ADPRH: variants seen among roughly 807,000 people sequenced by gnomAD.
ADPRH encodes ADP-ribosylarginine hydrolase.
ADPRH carries 27 observed loss-of-function variants against 28.8 expected under a neutral mutation model. The observed-to-expected ratio is 0.94, with a 90% CI of 0.69 to 1.29. The LOEUF is 1.29. Among genes scored for constraint, ADPRH ranks in the 50% most tolerant of loss-of-function variants. The probability of loss-of-function intolerance (pLI) is 0.00; values close to 1 mark genes in which losing one functional copy is unlikely to be tolerated. For synonymous variants in ADPRH, 161 were observed against 166.9 expected (o/e 0.96, Z 0.27); for missense variants, 419 against 444.8 (o/e 0.94, Z 0.52).
chr3:119,580,817 C>T (rs1194747744), intron 2 of ADPRH, among the ~76,000 whole-genome samples, 181 bp downstream of exon 2: 1 of 152,086 alleles, frequency 6.6e-6, no homozygotes, highest in Non-Finnish European at 1.5e-5. Flanking sequence ...TTAGGAAATG[C>T]ACCAACAGGG....
chr3:119,581,573 C>T (rs2082405214), intron 2 of ADPRH, among the ~76,000 whole-genome samples: 2 of 152,112 alleles, frequency 1.3e-5, no homozygotes, highest in African/African-American at 4.8e-5. Context: ...TTCCACTCCT[C>T]TTGTTTTGTG....
Position 119,586,554 on chromosome 3 carries a change from C to T in ADPRH, c.568C>T (p.Gln190Ter), listed in dbSNP as rs1187147442. 1.2e-6 allele frequency: 2 copies of T among 1,614,080 alleles called. No individual in the cohort carries two copies. The highest frequency in any genetic ancestry group is 1.7e-6 in the Non-Finnish European group (2 of 1,180,038). The change falls in exon 4 of 5, where the codon CAG (glutamine) becomes TAG (stop). Residue 190 changes from glutamine (Q) to a stop codon, truncating the protein, a stop_gained. Transcript: ENST00000357003. LOFTEE classifies it high-confidence loss of function. ...TGCTGTGAATAGCAGACCACCCTTGCAGTGGGGAAAAGGACTGATGGAGCT... is the reference window on the plus strand; with the variant it reads ...TGCTGTGAATAGCAGACCACCCTTGTAGTGGGGAAAAGGACTGATGGAGCT... The part of the protein sequence containing the change: ...AYAVNSRPPL[Q>*]WGKGLMELLP...
chr3:119,581,491 A>G (rs1274881883), intron 2 of ADPRH, among the ~76,000 whole-genome samples: 3 of 152,200 alleles, frequency 2.0e-5, no homozygotes, highest in Non-Finnish European at 4.4e-5. Context: ...AGGTAAGAAG[A>G]TCTGGACTGA....
rs765158596 is a variant in ADPRH, at chr3:119,588,022, C to T, written c.*144C>T. The T allele has an allele frequency of 6.3e-6, 5 of 789,240 alleles. No homozygotes were observed. Among genetic ancestry groups the T allele is most frequent in the African/African-American group, 1.8e-5 (1 of 56,974 alleles). 48.9% of individuals were successfully genotyped at this position (789,240 alleles called of 1,614,324 possible). On this transcript the variant is annotated 3_prime_UTR_variant, in exon 5 of 5. Coordinates refer to ENST00000357003, the MANE Select transcript of ADPRH (RefSeq NM_001125.4). ...ACAAGTCCCTTGGGCACCTTAAGCT[C>T]AGTTTTTTCAGGCTCATCCTGTTCT...
chr3:119,586,187 C>T, intron 3 of ADPRH, 98 bp from the exon 4 acceptor site: 4 of 1,549,660 alleles, frequency 2.6e-6, no homozygotes, highest in Non-Finnish European at 3.5e-6. Flanking sequence ...TCTCCCTTTC[C>T]ATCAAAAATA....
intron 2 of ADPRH, among the ~76,000 whole-genome samples, chr3:119,581,500 G>A (rs2082404705): frequency 6.6e-6 from 1 of 152,238 alleles, no homozygotes; most frequent in Non-Finnish European, 1.5e-5. Context: ...GATCTGGACT[G>A]AGGCTGAGTG....
Position 119,586,322 on chromosome 3 carries a change from G to C in ADPRH, c.336G>C (p.Pro112=). The C allele has an allele frequency of 6.2e-7, 1 of 1,613,732 alleles. No individual in the cohort carries two copies. Among genetic ancestry groups the C allele is most frequent in the African/African-American group, 1.3e-5 (1 of 75,002 alleles). The change falls in exon 4 of 5, where the codon CCG becomes CCC. Residue 112 remains proline (P), a synonymous_variant. Coordinates refer to ENST00000357003, the MANE Select transcript of ADPRH (RefSeq NM_001125.4). ...TGCACAACGCCATGCAGCTGAAGCC[G>C]GGCAAGCCCAATGGCTGGAGGATTC... ...ASVHNAMQLK[P]GKPNGWRIPF...
At position 119,588,374 on chromosome 3, in the gene ADPRH, T is replaced by C. The variant is rs2082485263; in HGVS notation, c.*496T>C. 6.6e-6 allele frequency: 1 copy of C among 152,518 alleles called. No individual in the cohort carries two copies. The highest frequency in any genetic ancestry group is 6.5e-5 in the Admixed American group (1 of 15,284). 9.4% of individuals were successfully genotyped at this position (152,518 alleles called of 1,614,324 possible). On this transcript the variant is annotated 3_prime_UTR_variant, in exon 5 of 5. Transcript: ENST00000357003. ...ACTGTGGGCGGTTGGCACTCTGCCA[T>C]CTGAGTCCTCTGCCTAAAGCATTCC...
Position 119,587,755 on chromosome 3 carries a change from G to A in ADPRH, c.951G>A (p.Met317Ile). The A allele has an allele frequency of 6.2e-7, 1 of 1,614,200 alleles. No homozygotes were observed. Among genetic ancestry groups the A allele is most frequent in the African/African-American group, 1.3e-5 (1 of 75,044 alleles). The change falls in exon 5 of 5, where the codon ATG becomes ATA. Residue 317 changes from methionine to isoleucine, a missense_variant. Coordinates refer to ENST00000357003, the MANE Select transcript of ADPRH (RefSeq NM_001125.4). ...TTGCTGGCTGCTGGTGGGGAGTTAT[G>A]TATGGTTTTAAAGGAGTGAGTCCCT... is the stretch of plus-strand genomic sequence containing the variant. Reference protein sequence around the residue: ...AAIAGCWWGVMYGFKGVSPSN... With the variant: ...AAIAGCWWGVIYGFKGVSPSN...
Position 119,588,023 on chromosome 3 carries a change from A to T in ADPRH, c.*145A>T. The T allele has an allele frequency of 1.3e-6, 1 of 792,094 alleles. No homozygotes were observed. The highest frequency in any genetic ancestry group is 1.9e-6 in the Non-Finnish European group (1 of 533,322). 49.1% of individuals were successfully genotyped at this position (792,094 alleles called of 1,614,324 possible). On this transcript the variant is annotated 3_prime_UTR_variant, in exon 5 of 5. Transcript: ENST00000357003. ...CAAGTCCCTTGGGCACCTTAAGCTC[A>T]GTTTTTTCAGGCTCATCCTGTTCTT...
Position 119,582,406 on chromosome 3 carries a change from G to C in ADPRH, c.237G>C (p.Leu79=), listed in dbSNP as rs2082415500. ...EAGKAPKLTQ[L]YYLLAKHYQD... ...GGAAAGCCCCTAAGTTGACTCAACT[G>C]TATTACCTCCTTGCTAAGCATTACC... The change falls in exon 3 of 5, where the codon CTG becomes CTC. Residue 79 remains leucine (L), a synonymous_variant. Transcript: ENST00000357003. 6.2e-7 allele frequency: 1 copy of C among 1,614,022 alleles called. No homozygotes were observed. The highest frequency in any genetic ancestry group is 2.2e-5 in the East Asian group (1 of 44,884).
intron 3 of ADPRH, 31 bp from the exon 4 acceptor site, chr3:119,586,254 A>G (rs759512476): frequency 2.5e-6 from 4 of 1,610,642 alleles, no homozygotes. Flanking sequence ...TGGTTATGCT[A>G]ACCCCCATCC....
chr3:119,582,671 A>G (rs1041918287), intron 3 of ADPRH, among the ~76,000 whole-genome samples: 1 of 152,192 alleles, frequency 6.6e-6, no homozygotes, highest in African/African-American at 2.4e-5. Flanking sequence ...ACTTGAACCC[A>G]GGAGTTCAAG....
At chr3:119,584,333 C>T (rs4687867) in intron 3 of ADPRH, among the ~76,000 whole-genome samples, 63 of 151,902 alleles carry the variant, frequency 4.1e-4, no homozygotes, top group African/African-American at 1.1e-3. Context: ...GAGGCCAAGG[C>T]GGGCAGATCA....
chr3:119,582,603 C>A, intron 3 of ADPRH, 136 bp downstream of exon 3: 1 of 1,077,352 alleles, frequency 9.3e-7, no homozygotes, highest in Non-Finnish European at 1.3e-6. Context: ...AAATAACGGC[C>A]ATGGTGGTGG....
At position 119,582,424 on chromosome 3, in the gene ADPRH, G is replaced by A. The variant is rs1437353964; in HGVS notation, c.255G>A (p.Lys85=). The change falls in exon 3 of 5, where the codon AAG becomes AAA. Residue 85 remains lysine, a synonymous_variant. Transcript: ENST00000357003. ...KLTQLYYLLA[K]HYQDCMEDMD... The stretch of plus-strand genomic sequence containing the variant: ...CTCAACTGTATTACCTCCTTGCTAA[G>A]CATTACCAAGACTGCATGGAAGACA... 1.2e-6 allele frequency: 2 copies of A among 1,613,954 alleles called. No homozygotes were observed. Among genetic ancestry groups the A allele is most frequent in the Non-Finnish European group, 8.5e-7 (1 of 1,179,924 alleles).
intron 3 of ADPRH, among the ~76,000 whole-genome samples, chr3:119,585,082 T>C (rs945587556): frequency 1.3e-5 from 2 of 152,164 alleles, no homozygotes; most frequent in Non-Finnish European, 2.9e-5. Context: ...ATTCAGCACA[T>C]AACACCTCCT....
Position 119,586,556 on chromosome 3 carries a change from G to C in ADPRH, c.570G>C (p.Gln190His). 6.2e-7 allele frequency: 1 copy of C among 1,614,194 alleles called. No homozygotes were observed. The highest frequency in any genetic ancestry group is 8.5e-7 in the Non-Finnish European group (1 of 1,180,030). Residue 190 changes from glutamine to histidine, a missense_variant, in exon 4 of 5, where the codon CAG becomes CAC. Gln to His is a conservative substitution (Grantham distance 24). Coordinates refer to ENST00000357003, the MANE Select transcript of ADPRH (RefSeq NM_001125.4). ...AYAVNSRPPL[Q>H]WGKGLMELLP... ...CTGTGAATAGCAGACCACCCTTGCA[G>C]TGGGGAAAAGGACTGATGGAGCTGC...
In ADPRH at chr3:119,582,133, G is replaced by T; in HGVS notation, c.-36-1G>T. 1 of 1,305,984 alleles carries T rather than the reference G, an allele frequency of 7.7e-7. No individual in the cohort carries two copies. Among genetic ancestry groups the T allele is most frequent in the South Asian group, 1.3e-5 (1 of 77,274 alleles). 80.9% of individuals were successfully genotyped at this position (1,305,984 alleles called of 1,614,324 possible). On this transcript the variant is annotated splice_acceptor_variant, in intron 2 of 4. Coordinates refer to ENST00000357003, the MANE Select transcript of ADPRH (RefSeq NM_001125.4). LOFTEE classifies it low-confidence loss of function (5UTR_SPLICE). Reference sequence around the variant, plus strand: ...TCCTTTGTCTTAATTTCCCCACAAAGACACCCTCTCCAGAGCCCAGCAATT... The same window carrying T: ...TCCTTTGTCTTAATTTCCCCACAAATACACCCTCTCCAGAGCCCAGCAATT...
Sources: gnomAD v4.1 joint callset for allele counts (sites outside exome capture counted in the v4.1 genomes callset) on GRCh38, gnomAD v4.1.1 for gene constraint, MANE v1.5 for transcripts, NCBI Gene and HGNC (gene_info 2026-07-23, HGNC 2026-07-21) for gene names.